Variants in TENM4 observed in about 807,000 individuals in gnomAD.
TENM4 encodes the protein teneurin transmembrane protein 4.
In TENM4, 82 loss-of-function variants were observed where a neutral mutation model predicts 243.3. The observed-to-expected ratio is 0.34, with a 90% CI of 0.28 to 0.40. The LOEUF is 0.40. Ranked by LOEUF, TENM4 falls within the 10% of genes least tolerant of loss-of-function variation. The pLI, the probability that TENM4 is intolerant of heterozygous loss-of-function variation, is 1.00. For missense variants in TENM4, 3,138 were observed against 3,673.3 expected (o/e 0.85, Z 3.77); for synonymous variants, 1,412 against 1,456.3 (o/e 0.97, Z 0.69).
At chr11:78,738,072 G>T (rs1228105681) in intron 20 of TENM4, among the ~76,000 whole-genome samples, 2 of 152,218 alleles carry the variant, frequency 1.3e-5, no homozygotes, top group African/African-American at 4.8e-5. Flanking sequence ...CACCCAAATG[G>T]CTTACATAGA....
At chr11:79,053,712 G>T (rs1859862722) in intron 6 of TENM4, among the ~76,000 whole-genome samples, 1 of 152,144 alleles carries the variant, frequency 6.6e-6, no homozygotes, top group African/African-American at 2.4e-5. Context: ...GGAAGGTCTG[G>T]TCATCCCTAA....
rs141216754 is a variant in TENM4, at chr11:79,299,330, TA to T, written c.-320-1788del. 9.9e-3 allele frequency among the ~76,000 whole-genome samples: 1,510 copies of T among 152,246 alleles called. 34 individuals are homozygous for T. Among genetic ancestry groups the T allele is most frequent in the African/African-American group, 0.035 (1,462 of 41,534 alleles). On this transcript the variant is annotated intron_variant, in intron 1 of 33. Transcript: ENST00000278550. Reference sequence around the variant, plus strand: ...AAAGTCACTAGGGTCACACAGCTAGTAACTGAAGGAGCCGGGACCAGGCCTC... The same window carrying T: ...AAAGTCACTAGGGTCACACAGCTAGTACTGAAGGAGCCGGGACCAGGCCTC...
At chr11:78,672,828 C>G (rs957225727) in intron 30 of TENM4, among the ~76,000 whole-genome samples, 3 of 152,114 alleles carry the variant, frequency 2.0e-5, no homozygotes, top group African/African-American at 7.2e-5. Flanking sequence ...GGACTTGACT[C>G]TCACACATAC....
chr11:78,927,407 G>C (rs1856575773), intron 6 of TENM4, among the ~76,000 whole-genome samples: 1 of 152,190 alleles, frequency 6.6e-6, no homozygotes. Context: ...TTCTACTAAA[G>C]ATAATTAAGC....
intron 4 of TENM4, among the ~76,000 whole-genome samples, chr11:79,123,317 G>C (rs1259264853): frequency 6.6e-6 from 1 of 152,128 alleles, no homozygotes; most frequent in African/African-American, 2.4e-5. Flanking sequence ...AAAATACTGA[G>C]ATATTGAAAA....
chr11:79,272,036 T>A (rs963814012), intron 2 of TENM4, among the ~76,000 whole-genome samples: 2 of 152,198 alleles, frequency 1.3e-5, no homozygotes, highest in African/African-American at 2.4e-5. Context: ...ATTTTCCAGA[T>A]GACAAAGTCA....
intron 1 of TENM4, among the ~76,000 whole-genome samples, chr11:79,373,140 A>G (rs973925983): frequency 4.6e-5 from 7 of 152,236 alleles, no homozygotes; most frequent in African/African-American, 1.7e-4. Context: ...TGTATCTGAT[A>G]CAACAGTATC....
intron 9 of TENM4, among the ~76,000 whole-genome samples, chr11:78,879,317 A>G (rs1294144134): frequency 6.1e-3 from 25 of 4,128 alleles, no homozygotes; most frequent in Admixed American, 0.015. Context: ...CCGCCACCCG[A>G]TCTGGGATGT....
At chr11:78,778,279 G>A (rs567130675) in intron 17 of TENM4, among the ~76,000 whole-genome samples, 1 of 146,352 alleles carries the variant, frequency 6.8e-6, no homozygotes, top group East Asian at 2.2e-4. Context: ...AGATGGGCAG[G>A]GTGACATGAG....
intron 1 of TENM4, among the ~76,000 whole-genome samples, chr11:79,317,819 G>T (rs1379074319): frequency 1.3e-5 from 2 of 152,082 alleles, no homozygotes; most frequent in African/African-American, 4.8e-5. Flanking sequence ...TCCCAACTTG[G>T]CGCTTTCATT....
chr11:79,211,217 G>A (rs962910403), intron 3 of TENM4, among the ~76,000 whole-genome samples: 2 of 152,182 alleles, frequency 1.3e-5, no homozygotes, highest in African/African-American at 4.8e-5. Flanking sequence ...AGCATTCTAG[G>A]CCAAGAGAAT....
At chr11:78,770,953 T>C (rs771842281) in intron 18 of TENM4, 39 bp downstream of exon 18, 14 of 1,559,386 alleles carry the variant, frequency 9.0e-6, no homozygotes, top group South Asian at 1.2e-5. Flanking sequence ...CCTCCCACCC[T>C]CTGGAGCCGC....
chr11:78,952,649 C>T lies in TENM4; in HGVS notation c.494-49126G>A, dbSNP rs1172851444. Among the ~76,000 whole-genome samples, 4 of 152,302 alleles carry T rather than the reference C, an allele frequency of 2.6e-5. No homozygotes were observed. In the South Asian group the frequency reaches 6.2e-4, roughly 24 times the overall value. Reference sequence around the variant, plus strand: ...CTCAGGATAATAGCAGACCGGTGATCACAACTTTAGTTTTGATGAGATAAC... The same window carrying T: ...CTCAGGATAATAGCAGACCGGTGATTACAACTTTAGTTTTGATGAGATAAC... On this transcript the variant is annotated intron_variant, in intron 6 of 33. Coordinates refer to ENST00000278550, the MANE Select transcript of TENM4 (RefSeq NM_001098816.3).
chr11:79,019,662 T>C (rs972836047), intron 6 of TENM4, among the ~76,000 whole-genome samples: 1 of 152,218 alleles, frequency 6.6e-6, no homozygotes, highest in African/African-American at 2.4e-5. Context: ...TTCTATACCA[T>C]GTACAGGCTC....
chr11:78,723,010 T>C (rs1279206254), intron 23 of TENM4, 93 bp from the exon 24 acceptor site: 7 of 1,527,160 alleles, frequency 4.6e-6, no homozygotes, highest in Non-Finnish European at 5.3e-6. Flanking sequence ...TTGCAAGGCA[T>C]GCAAGATCTC....
At chr11:78,788,144 T>C (rs1246145720) in intron 15 of TENM4, among the ~76,000 whole-genome samples, 1 of 152,240 alleles carries the variant, frequency 6.6e-6, no homozygotes, top group Non-Finnish European at 1.5e-5. Flanking sequence ...CTCATCTCCC[T>C]TCCAAACTGC....
chr11:78,824,406 G>C (rs1336113692), intron 12 of TENM4, among the ~76,000 whole-genome samples: 3 of 152,090 alleles, frequency 2.0e-5, no homozygotes, highest in Non-Finnish European at 4.4e-5. Flanking sequence ...TCACTATCAT[G>C]AGGACAGTAC....
intron 4 of TENM4, among the ~76,000 whole-genome samples, chr11:79,087,393 C>T (rs189240577): frequency 1.4e-3 from 206 of 152,318 alleles, no homozygotes; most frequent in African/African-American, 4.6e-3. Context: ...GAATGCCAGT[C>T]CCCATGCTGA....
chr11:79,087,905 C>A (rs1323698187), intron 4 of TENM4, among the ~76,000 whole-genome samples: 1 of 152,202 alleles, frequency 6.6e-6, no homozygotes, highest in Non-Finnish European at 1.5e-5. Context: ...GTGGGCTGAG[C>A]AGAGCCTCCC....
Sources: allele counts gnomAD v4.1 joint callset (sites outside exome capture counted in the v4.1 genomes callset), GRCh38; gene constraint gnomAD v4.1.1; transcripts MANE v1.5; gene names NCBI Gene and HGNC (gene_info 2026-07-23, HGNC 2026-07-21).